SRP14: variants seen among roughly 807,000 people sequenced by gnomAD.
SRP14 encodes signal recognition particle 14 kDa protein.
Under a neutral mutation model 16.0 loss-of-function variants are expected in SRP14, and 1 was observed. The ratio of observed to expected loss-of-function variants is 0.06; its 90% CI spans 0.02 to 0.30. SRP14 has a LOEUF of 0.30. Ranked by LOEUF, SRP14 falls within the 10% of genes least tolerant of loss-of-function variation. The pLI is 1.00. For missense variants in SRP14, 120 were observed against 163.1 expected, an observed-to-expected ratio of 0.74 and a Z score of 1.44; for synonymous variants, 67 against 60.1, an observed-to-expected ratio of 1.12 and a Z score of -0.53.
At chr15:40,039,068 C>G (rs778007021) in intron 1 of SRP14, 25 bp downstream of exon 1, 7 of 1,608,628 alleles carry the variant, frequency 4.4e-6, no homozygotes, top group Non-Finnish European at 5.9e-6. Context: ...GCCCCCTTCC[C>G]TCGGCCGGCC....
chr15:40,038,525 T>C, intron 2 of SRP14, 131 bp from the exon 3 acceptor site: 1 of 658,522 alleles, frequency 1.5e-6, no homozygotes, highest in Non-Finnish European at 2.7e-6. Flanking sequence ...GTTAAACACC[T>C]CATCTGCTAT....
upstream of SRP14, chr15:40,039,186 TG>T: frequency 6.4e-7 from 1 of 1,553,276 alleles, no homozygotes; most frequent in African/African-American, 1.4e-5. Context: ...CGGCCTAGGC[TG>T]GGCGGGACTT....
chr15:40,038,111 T>C (rs1307798256), intron 3 of SRP14, among the ~76,000 whole-genome samples, 171 bp downstream of exon 3: 4 of 152,254 alleles, frequency 2.6e-5, no homozygotes, highest in Non-Finnish European at 5.9e-5. Flanking sequence ...CTCTACCTTC[T>C]TATTTTATTC....
Position 40,038,904 on chromosome 15 carries a change from C to A in SRP14, c.69G>T (p.Ser23=). 2 of 1,613,722 alleles carry A rather than the reference C, an allele frequency of 1.2e-6. No homozygotes were observed. Among genetic ancestry groups the A allele is most frequent in the East Asian group, 2.2e-5 (1 of 44,848 alleles). The change falls in exon 2 of 5, where the codon TCG becomes TCT. Residue 23 remains serine, a synonymous_variant. Coordinates refer to ENST00000267884, the MANE Select transcript of SRP14 (RefSeq NM_003134.6). ...LTRLFQKCRT[S]GSVYITLKKY... The stretch of plus-strand genomic sequence containing the variant: ...TCTTCAAGGTGATATAGACGCTGCC[C>A]GACGTCCGGCACTTCTGGAAAAGTC...
At chr15:40,037,138 C>T (rs2035637529) in intron 3 of SRP14, 120 bp from the exon 4 acceptor site, 2 of 1,306,112 alleles carry the variant, frequency 1.5e-6, no homozygotes, top group South Asian at 1.5e-5. Flanking sequence ...AATACTTCTC[C>T]CCAACTTCAG....
At chr15:40,036,538 G>A in intron 4 of SRP14, 38 bp from the exon 5 acceptor site, 2 of 1,594,420 alleles carry the variant, frequency 1.3e-6, no homozygotes, top group Admixed American at 1.7e-5. Context: ...GTGGGAAGAT[G>A]TGCAAACTGG....
chr15:40,038,473 G>A, intron 2 of SRP14, 79 bp from the exon 3 acceptor site: 2 of 1,001,090 alleles, frequency 2.0e-6, no homozygotes, highest in South Asian at 1.3e-5. Flanking sequence ...ACAGAGGAGT[G>A]GGGTAAGTGA....
At chr15:40,038,565 T>C (rs1341854673) in intron 2 of SRP14, 171 bp from the exon 3 acceptor site, 2 of 615,608 alleles carry the variant, frequency 3.2e-6, no homozygotes, top group African/African-American at 1.8e-5. Context: ...GGAGAAACTA[T>C]TATTTCCACG....
chr15:40,039,041 C>T, intron 1 of SRP14, 52 bp downstream of exon 1: 1 of 1,606,590 alleles, frequency 6.2e-7, no homozygotes, highest in East Asian at 2.3e-5. Flanking sequence ...GCACAGGTCT[C>T]GAGTAACGCC....
At chr15:40,038,733 T>C (rs2035671051) in intron 2 of SRP14, 143 bp downstream of exon 2, 3 of 868,840 alleles carry the variant, frequency 3.5e-6, no homozygotes, top group African/African-American at 1.7e-5. Context: ...TCCCTACTAT[T>C]TTCCGGGCCC....
chr15:40,038,723 T>C, intron 2 of SRP14, 153 bp downstream of exon 2: 1 of 789,018 alleles, frequency 1.3e-6, no homozygotes, highest in Non-Finnish European at 2.0e-6. Context: ...CCAGCTACAA[T>C]CCCTACTATT....
intron 1 of SRP14, 22 bp downstream of exon 1, chr15:40,039,071 G>A (rs2035678736): frequency 3.7e-6 from 6 of 1,608,294 alleles, no homozygotes; most frequent in South Asian, 1.1e-5. Context: ...CCCTTCCCTC[G>A]GCCGGCCAGG....
At chr15:40,036,833 T>C (rs781474095) in intron 4 of SRP14, 153 bp downstream of exon 4, 6 of 902,190 alleles carry the variant, frequency 6.7e-6, no homozygotes, top group South Asian at 1.5e-5. Context: ...GGTATTAGCA[T>C]TGAAATTCAC....
Position 40,038,901 on chromosome 15 carries a change from G to C in SRP14, c.72C>G (p.Gly24=). The stretch of plus-strand genomic sequence containing the variant: ...ACTTCTTCAAGGTGATATAGACGCT[G>C]CCCGACGTCCGGCACTTCTGGAAAA... ...TRLFQKCRTS[G]SVYITLKKYD... Residue 24 remains glycine, a synonymous_variant, in exon 2 of 5, where the codon GGC becomes GGG. Coordinates refer to ENST00000267884, the MANE Select transcript of SRP14 (RefSeq NM_003134.6). 6.2e-7 allele frequency: 1 copy of C among 1,613,856 alleles called. No individual in the cohort carries two copies. Among genetic ancestry groups the C allele is most frequent in the Non-Finnish European group, 8.5e-7 (1 of 1,179,918 alleles).
intron 2 of SRP14, 172 bp downstream of exon 2, chr15:40,038,704 G>C: frequency 4.3e-6 from 3 of 702,176 alleles, no homozygotes; most frequent in South Asian, 3.7e-5. Flanking sequence ...CTCAGTGCTG[G>C]GGACTGAGCC....
chr15:40,037,243 G>A, intron 3 of SRP14: 1 of 1,226,104 alleles, frequency 8.2e-7, no homozygotes, highest in Non-Finnish European at 1.0e-6. Context: ...CATGAGAATT[G>A]CACCAAGAGG....
upstream of SRP14, chr15:40,039,190 C>G (rs2035683166): frequency 6.5e-7 from 1 of 1,538,936 alleles, no homozygotes; most frequent in Non-Finnish European, 8.8e-7. Flanking sequence ...CTAGGCTGGG[C>G]GGGACTTCCG....
rs1434798178 is a variant in SRP14, at chr15:40,035,893, G to C, written c.*440C>G. On this transcript the variant is annotated 3_prime_UTR_variant, in exon 5 of 5. Transcript: ENST00000267884. ...TGGGAAGCAGCTCATGAGATAACAT[G>C]ACTTTTTATAAAACTGTCAGGTTTC... is the stretch of plus-strand genomic sequence containing the variant. 1.3e-5 allele frequency: 2 copies of C among 156,708 alleles called. No individual in the cohort carries two copies. Among genetic ancestry groups the C allele is most frequent in the East Asian group, 3.8e-4 (2 of 5,332 alleles). The allele number at this position is 156,708 out of a possible 1,614,324, so 9.7% of individuals were successfully genotyped here. A position where few individuals can be genotyped will look rare whatever the true frequency, so the allele number is the denominator to read the frequency against.
intron 2 of SRP14, 37 bp downstream of exon 2, chr15:40,038,839 C>G (rs1043510483): frequency 3.1e-6 from 5 of 1,608,132 alleles, no homozygotes; most frequent in African/African-American, 1.3e-5. Flanking sequence ...CACCGGGAAC[C>G]CAGGGAGCAT....
Sources: allele counts gnomAD v4.1 joint callset (sites outside exome capture counted in the v4.1 genomes callset), GRCh38; gene constraint gnomAD v4.1.1; transcripts MANE v1.5; gene names NCBI Gene and HGNC (gene_info 2026-07-23, HGNC 2026-07-21).